Variants in TBC1D15 observed in about 807,000 individuals in gnomAD.
TBC1D15 encodes TBC1 domain family member 15.
In TBC1D15, 39 loss-of-function variants were observed where a neutral mutation model predicts 95.4. The observed-to-expected ratio is 0.41, with a 90% CI of 0.32 to 0.53. The LOEUF is 0.53. Among genes scored for constraint, TBC1D15 ranks in the 20% least tolerant of loss-of-function variants. The pLI is 0.29. For synonymous variants in TBC1D15, 258 were observed against 261.3 expected, an observed-to-expected ratio of 0.99 and a Z score of 0.12; for missense variants, 733 against 794.3, an observed-to-expected ratio of 0.92 and a Z score of 0.93.
intron 6 of TBC1D15, chr12:71,894,183 G>T: frequency 1.5e-6 from 1 of 679,500 alleles, no homozygotes; most frequent in Non-Finnish European, 2.4e-6. Flanking sequence ...AATTATTCTT[G>T]TTGGCATGAT....
rs755952341 is a variant in TBC1D15, at chr12:71,923,110, A to G, written c.1931A>G (p.Asn644Ser). 1.9e-6 allele frequency: 3 copies of G among 1,614,170 alleles called. No individual in the cohort carries two copies. The highest frequency in any genetic ancestry group is 2.5e-6 in the Non-Finnish European group (3 of 1,180,022). ...TPCPTSAFQS[N>S]ALPTLSASGA... is the part of the protein sequence containing the mutation. Reference sequence around the variant, plus strand: ...TGTCCTACATCTGCATTTCAAAGTAATGCCTTGCCTACACTCTCTGCCAGT... The same window carrying G: ...TGTCCTACATCTGCATTTCAAAGTAGTGCCTTGCCTACACTCTCTGCCAGT... The change falls in exon 17 of 17, where the codon AAT becomes AGT. Residue 644 changes from asparagine to serine, a missense_variant. Physicochemically the swap from Asn to Ser is conservative, Grantham distance 46 (BLOSUM62 1). Transcript: ENST00000485960.
chr12:71,893,493 C>T (rs1260701318), intron 6 of TBC1D15, among the ~76,000 whole-genome samples, 169 bp downstream of exon 6: 2 of 151,534 alleles, frequency 1.3e-5, no homozygotes, highest in Non-Finnish European at 3.0e-5. Flanking sequence ...TTTACAGAAA[C>T]AATAATAAGT....
At chr12:71,922,167 C>T (rs899753113) in intron 16 of TBC1D15, among the ~76,000 whole-genome samples, 2 of 152,188 alleles carry the variant, frequency 1.3e-5, no homozygotes, top group Admixed American at 1.3e-4. Context: ...TCACTGCAAC[C>T]TTCTCCTCCT....
intron 1 of TBC1D15, among the ~76,000 whole-genome samples, chr12:71,867,735 C>T (rs760767819): frequency 1.3e-5 from 2 of 152,192 alleles, no homozygotes; most frequent in Non-Finnish European, 2.9e-5. Context: ...GCAGTCCTCT[C>T]ATTTTGGCCT....
chr12:71,844,328 T>C (rs531247219), intron 1 of TBC1D15, among the ~76,000 whole-genome samples: 1 of 152,352 alleles, frequency 6.6e-6, no homozygotes, highest in Admixed American at 6.5e-5. Context: ...CCCTTTATGA[T>C]CTGATCTGGT....
chr12:71,849,851 G>A, intron 1 of TBC1D15: 1 of 565,870 alleles, frequency 1.8e-6, no homozygotes, highest in Admixed American at 2.1e-5. Context: ...GTAAAATGTG[G>A]AGTTTGCTTC....
chr12:71,873,150 C>A, intron 3 of TBC1D15, 147 bp downstream of exon 3: 1 of 536,492 alleles, frequency 1.9e-6, no homozygotes. Context: ...GTGCAGCCAT[C>A]CACCAGTATC....
intron 9 of TBC1D15, among the ~76,000 whole-genome samples, chr12:71,897,455 G>A (rs531944815): frequency 6.6e-6 from 1 of 151,858 alleles, no homozygotes; most frequent in South Asian, 2.1e-4. Context: ...CTTGGAAATG[G>A]AACTATAATG....
chr12:71,847,491 T>C (rs1263689128), intron 1 of TBC1D15, among the ~76,000 whole-genome samples: 1 of 151,534 alleles, frequency 6.6e-6, no homozygotes, highest in East Asian at 2.0e-4. Context: ...GGTAAGGAGT[T>C]CGAGACCAGC....
intron 10 of TBC1D15, among the ~76,000 whole-genome samples, 153 bp downstream of exon 10, chr12:71,898,094 T>C (rs1898585361): frequency 6.6e-6 from 1 of 152,064 alleles, no homozygotes; most frequent in Non-Finnish European, 1.5e-5. Flanking sequence ...TAATGTTCTT[T>C]GTTGTTCCTC....
Position 71,880,492 on chromosome 12 carries a change from G to A in TBC1D15, c.228G>A (p.Trp76Ter). The change falls in exon 4 of 17, where the codon TGG becomes TGA. Residue 76 changes from tryptophan (W) to a stop codon, truncating the protein, a stop_gained. Coordinates refer to ENST00000485960, the MANE Select transcript of TBC1D15 (RefSeq NM_001146213.3). LOFTEE classifies it high-confidence loss of function. Reference protein sequence around the residue: ...ARKDSSSVVEWTQAPKERGHR... With the variant: ...ARKDSSSVVE ...AGGACTCCAGTTCAGTTGTAGAATG[G>A]ACTCAGGCCCCAAAAGAAAGAGGTC... 6.2e-7 allele frequency: 1 copy of A among 1,603,900 alleles called. No homozygotes were observed. Among genetic ancestry groups the A allele is most frequent in the East Asian group, 2.2e-5 (1 of 44,472 alleles).
chr12:71,909,103 A>T (rs1901536614), intron 11 of TBC1D15, among the ~76,000 whole-genome samples: 1 of 152,232 alleles, frequency 6.6e-6, no homozygotes, highest in Non-Finnish European at 1.5e-5. Context: ...CATTGTCCCA[A>T]ACCAGCTAAC....
At chr12:71,894,989 G>T in intron 7 of TBC1D15, 106 bp downstream of exon 7, 1 of 1,088,298 alleles carries the variant, frequency 9.2e-7, no homozygotes, top group African/African-American at 1.6e-5. Flanking sequence ...TCCATAATCT[G>T]TTCTTAACAA....
At chr12:71,857,848 C>T (rs1367885813) in intron 1 of TBC1D15, among the ~76,000 whole-genome samples, 1 of 152,154 alleles carries the variant, frequency 6.6e-6, no homozygotes, top group Non-Finnish European at 1.5e-5. Context: ...TTCCCCTTTC[C>T]ACAACCCTTC....
chr12:71,923,083 C>G lies in TBC1D15; in HGVS notation c.1904C>G (p.Pro635Arg), dbSNP rs1029350500. 28 of 1,614,036 alleles carry G rather than the reference C, an allele frequency of 1.7e-5. No homozygotes were observed. Among genetic ancestry groups the G allele is most frequent in the Non-Finnish European group, 2.3e-5 (27 of 1,180,038 alleles). The change falls in exon 17 of 17, where the codon CCT becomes CGT. Residue 635 changes from proline (P) to arginine (R), a missense_variant. By Grantham distance (103) the Pro-to-Arg change is moderately radical. Transcript: ENST00000485960. ...VGEDENVVMT[P>R]CPTSAFQSNA... ...GAAGACGAAAATGTTGTCATGACTCCTTGTCCTACATCTGCATTTCAAAGT... is the reference window on the plus strand; with the variant it reads ...GAAGACGAAAATGTTGTCATGACTCGTTGTCCTACATCTGCATTTCAAAGT...
intron 1 of TBC1D15, among the ~76,000 whole-genome samples, chr12:71,855,944 G>A (rs551771196): frequency 6.9e-6 from 1 of 145,540 alleles, no homozygotes. Flanking sequence ...GGTTTTTTTT[G>A]GGGGGGGGTA....
intron 11 of TBC1D15, among the ~76,000 whole-genome samples, chr12:71,911,371 T>C (rs1425351577): frequency 6.6e-6 from 1 of 151,656 alleles, no homozygotes; most frequent in African/African-American, 2.4e-5. Context: ...TTGGAACCAA[T>C]CCAAATGTCC....
chr12:71,842,036 G>T (rs1385431702), intron 1 of TBC1D15, among the ~76,000 whole-genome samples: 1 of 152,056 alleles, frequency 6.6e-6, no homozygotes, highest in Non-Finnish European at 1.5e-5. Flanking sequence ...AAATCCAGGG[G>T]AGTGAATGTT....
At chr12:71,854,770 C>G (rs189560155) in intron 1 of TBC1D15, 5 of 456,552 alleles carry the variant, frequency 1.1e-5, no homozygotes, top group African/African-American at 2.0e-5. Flanking sequence ...CTCTCCCCCC[C>G]ACCTTCTTTT....
Sources: gnomAD v4.1 joint callset for allele counts (sites outside exome capture counted in the v4.1 genomes callset) on GRCh38, gnomAD v4.1.1 for gene constraint, MANE v1.5 for transcripts, NCBI Gene and HGNC (gene_info 2026-07-23, HGNC 2026-07-21) for gene names.